Variants in ITPR2 observed in about 807,000 individuals in gnomAD.
The protein encoded by ITPR2 is inositol 1,4,5-trisphosphate receptor type 2.
In ITPR2, 207 loss-of-function variants were observed where a neutral mutation model predicts 317.1. The observed-to-expected ratio is 0.65, with a 90% confidence interval of 0.58 to 0.73. The LOEUF (loss-of-function observed/expected upper bound fraction) is 0.73, where lower values mean the gene tolerates loss of function less well. ITPR2 is among the 30% of genes least tolerant of loss of function. ITPR2 has a pLI of 0.00. For missense variants in ITPR2, 2,613 were observed against 3,284.0 expected, an observed-to-expected ratio of 0.80 and a Z score of 4.99; for synonymous variants, 1,156 against 1,149.1, an observed-to-expected ratio of 1.01 and a Z score of -0.12.
intron 4 of ITPR2, among the ~76,000 whole-genome samples, chr12:26,723,600 A>G (rs1478086350): frequency 6.6e-6 from 1 of 152,206 alleles, no homozygotes; most frequent in Admixed American, 6.5e-5. Flanking sequence ...TCATACATTC[A>G]GGGAGCTGCC....
At chr12:26,774,275 C>T (rs1245177891) in intron 2 of ITPR2, among the ~76,000 whole-genome samples, 1 of 152,098 alleles carries the variant, frequency 6.6e-6, no homozygotes, top group Non-Finnish European at 1.5e-5. Context: ...AACTATGTTA[C>T]ATGCTCGGTA....
intron 45 of ITPR2, among the ~76,000 whole-genome samples, chr12:26,470,791 G>A (rs1227557143): frequency 6.6e-6 from 1 of 152,128 alleles, no homozygotes; most frequent in Non-Finnish European, 1.5e-5. Context: ...CTGTGACCCA[G>A]TAATTAAACT....
intron 2 of ITPR2, among the ~76,000 whole-genome samples, chr12:26,785,161 G>A (rs868239206): frequency 0.052 from 1,807 of 34,652 alleles, 199 homozygotes; most frequent in Non-Finnish European, 0.07. Context: ...CACCCCGTCC[G>A]GGAGGGAGGT....
In ITPR2 at chr12:26,584,192, G is replaced by C. The variant is rs188062744; in HGVS notation, c.4381-4037C>G. Among the ~76,000 whole-genome samples the C allele has an allele frequency of 1.7e-3, 252 of 152,270 alleles. 1 individual carries two copies. The highest frequency in any genetic ancestry group is 5.8e-3 in the African/African-American group (241 of 41,550). On this transcript the variant is annotated intron_variant, in intron 32 of 56. Coordinates refer to ENST00000381340, the MANE Select transcript of ITPR2 (RefSeq NM_002223.4). Reference sequence around the variant, plus strand: ...TGGTACAGGGAATGTAGCAGGCAGGGTGGGGATGGTCAAGGATTCCTGTTT... The same window carrying C: ...TGGTACAGGGAATGTAGCAGGCAGGCTGGGGATGGTCAAGGATTCCTGTTT...
Position 26,655,698 on chromosome 12 carries a change from G to C in ITPR2, c.2589+10C>G, listed in dbSNP as rs1947355931. ...ACCAAAACATCCTAAATATTAGAGG[G>C]ACAAAGTACCTCAAATGTCAGTTTA... is the stretch of plus-strand genomic sequence containing the variant. On this transcript the variant is annotated intron_variant, in intron 20 of 56. Coordinates refer to ENST00000381340, the MANE Select transcript of ITPR2 (RefSeq NM_002223.4). 2 of 1,609,462 alleles carry C rather than the reference G, an allele frequency of 1.2e-6. No individual in the cohort carries two copies. Among genetic ancestry groups the C allele is most frequent in the Non-Finnish European group, 1.7e-6 (2 of 1,176,762 alleles).
chr12:26,451,365 TCACACACACACACACA>T (rs57642539), intron 45 of ITPR2, among the ~76,000 whole-genome samples: 1 of 136,322 alleles, frequency 7.3e-6, no homozygotes, highest in Admixed American at 7.2e-5. Flanking sequence ...TTCTCTCATA[TCACACACACACACACA>T]CACACACACA....
intron 2 of ITPR2, among the ~76,000 whole-genome samples, chr12:26,747,911 C>T (rs559103230): frequency 2.6e-5 from 4 of 152,310 alleles, no homozygotes; most frequent in Admixed American, 2.6e-4. Flanking sequence ...AACTCAATAG[C>T]TTGTTATTCC....
chr12:26,366,178 G>GC (rs1939003664), intron 55 of ITPR2, among the ~76,000 whole-genome samples: 1 of 152,112 alleles, frequency 6.6e-6, no homozygotes, highest in South Asian at 2.1e-4. Flanking sequence ...TGTGGAAAAT[G>GC]TTGTTTCTGC....
At chr12:26,524,821 G>T (rs903113469) in intron 37 of ITPR2, among the ~76,000 whole-genome samples, 2 of 152,050 alleles carry the variant, frequency 1.3e-5, no homozygotes, top group East Asian at 3.9e-4. Context: ...AAATTAAGCA[G>T]GTTATCAATT....
intron 39 of ITPR2, among the ~76,000 whole-genome samples, chr12:26,493,304 C>A (rs549528678): frequency 7.5e-4 from 114 of 152,210 alleles, no homozygotes; most frequent in Middle Eastern, 3.4e-3. Context: ...TTAAATGAAG[C>A]ACAATATCCC....
At chr12:26,560,291 C>T (rs749481951) in intron 35 of ITPR2, among the ~76,000 whole-genome samples, 10 of 152,066 alleles carry the variant, frequency 6.6e-5, no homozygotes, top group African/African-American at 1.2e-4. Flanking sequence ...TCTCATAGGG[C>T]GTTCTTTTTT....
At chr12:26,427,000 C>T (rs1010819281) in intron 49 of ITPR2, among the ~76,000 whole-genome samples, 1 of 151,738 alleles carries the variant, frequency 6.6e-6, no homozygotes, top group African/African-American at 2.4e-5. Context: ...TTCATTCACT[C>T]ACTTATTAAT....
chr12:26,561,894 G>A lies in ITPR2; in HGVS notation c.4689C>T (p.Phe1563=), dbSNP rs368234728. Reference sequence around the variant, plus strand: ...GCACCATATTTGAATGGCTCTTCATGAAAAGAGTATTAACTTGGCTGTCCA... The same window carrying A: ...GCACCATATTTGAATGGCTCTTCATAAAAAGAGTATTAACTTGGCTGTCCA... ...VDLDSQVNTL[F]MKSHSNMVQR... The change falls in exon 35 of 57, where the codon TTC becomes TTT. Residue 1563 remains phenylalanine (F), a synonymous_variant. Transcript: ENST00000381340. The A allele has an allele frequency of 4.5e-5, 71 of 1,580,878 alleles. No homozygotes were observed. Among genetic ancestry groups the A allele is most frequent in the Non-Finnish European group, 6.1e-5 (71 of 1,170,898 alleles).
chr12:26,517,425 T>C (rs1420423159), intron 37 of ITPR2, among the ~76,000 whole-genome samples: 1 of 152,186 alleles, frequency 6.6e-6, no homozygotes, highest in Non-Finnish European at 1.5e-5. Context: ...CACATACATG[T>C]GGCCAACAAG....
chr12:26,672,644 G>C (rs1947807774), intron 13 of ITPR2, among the ~76,000 whole-genome samples: 1 of 151,434 alleles, frequency 6.6e-6, no homozygotes, highest in South Asian at 2.1e-4. Flanking sequence ...AAAAGAACTA[G>C]AAAAGCAAGA....
intron 33 of ITPR2, among the ~76,000 whole-genome samples, 175 bp from the exon 34 acceptor site, chr12:26,579,008 T>C (rs1294578806): frequency 6.6e-6 from 1 of 152,228 alleles, no homozygotes; most frequent in Non-Finnish European, 1.5e-5. Flanking sequence ...ACTCTCTTCA[T>C]GAGAGGCAAG....
At chr12:26,754,419 G>A (rs981948948) in intron 2 of ITPR2, among the ~76,000 whole-genome samples, 2 of 152,164 alleles carry the variant, frequency 1.3e-5, no homozygotes, top group Admixed American at 1.3e-4. Flanking sequence ...TAGGCTCCAC[G>A]CATGGTACAT....
chr12:26,724,990 A>G (rs75764139), intron 3 of ITPR2, among the ~76,000 whole-genome samples: 9,358 of 152,134 alleles, frequency 0.062, 373 homozygotes, highest in African/African-American at 0.12. Flanking sequence ...TGACTCCCCA[A>G]AGGGAGCAGT....
intron 2 of ITPR2, among the ~76,000 whole-genome samples, chr12:26,734,692 T>C (rs1430766677): frequency 1.3e-5 from 2 of 152,062 alleles, no homozygotes; most frequent in Non-Finnish European, 2.9e-5. Flanking sequence ...ATAGCAATAT[T>C]TAGAGTAAAG....
Sources: allele counts gnomAD v4.1 joint callset (sites outside exome capture counted in the v4.1 genomes callset), GRCh38; gene constraint gnomAD v4.1.1; transcripts MANE v1.5; gene names NCBI Gene and HGNC (gene_info 2026-07-23, HGNC 2026-07-21).